Variants in PTPRK observed in about 807,000 individuals in gnomAD.
PTPRK encodes protein tyrosine phosphatase receptor type K.
A neutral mutation model predicts 178.0 loss-of-function variants in PTPRK; 75 were observed. The ratio of observed to expected loss-of-function variants is 0.42; its 90% confidence interval spans 0.35 to 0.51. PTPRK has a LOEUF of 0.51. PTPRK is among the 20% of genes least tolerant of loss of function. PTPRK has a pLI of 0.02. For synonymous variants in PTPRK, 637 were observed against 620.6 expected (o/e 1.03, Z -0.39); for missense variants, 1,441 against 1,797.8 (o/e 0.80, Z 3.59).
chr6:127,972,983 C>G (rs375775055), intron 29 of PTPRK, 39 bp downstream of exon 29: 10 of 1,597,754 alleles, frequency 6.3e-6, no homozygotes, highest in African/African-American at 1.3e-5. Context: ...ACTAACTAAT[C>G]TCTAAGATGC....
intron 29 of PTPRK, 106 bp from the exon 30 acceptor site, chr6:127,970,386 T>G: frequency 2.6e-6 from 2 of 762,402 alleles, no homozygotes; most frequent in South Asian, 4.3e-5. Context: ...TACTCAAGGA[T>G]TACAATTTAT....
At chr6:128,290,990 G>C (rs1823290004) in intron 3 of PTPRK, among the ~76,000 whole-genome samples, 1 of 151,952 alleles carries the variant, frequency 6.6e-6, no homozygotes, top group South Asian at 2.1e-4. Context: ...AGACAAAATG[G>C]CTTCTTGAAA....
At chr6:128,026,669 T>C (rs1252071296) in intron 13 of PTPRK, among the ~76,000 whole-genome samples, 1 of 152,204 alleles carries the variant, frequency 6.6e-6, no homozygotes, top group Non-Finnish European at 1.5e-5. Context: ...ATATTATATA[T>C]TTGACAAGAT....
intron 25 of PTPRK, among the ~76,000 whole-genome samples, chr6:127,977,420 G>A (rs934662778): frequency 2.0e-5 from 3 of 152,166 alleles, no homozygotes; most frequent in African/African-American, 4.8e-5. Context: ...TTTTCCAAAC[G>A]TAATCAGTCT....
At chr6:128,014,299 C>T (rs1440377809) in intron 13 of PTPRK, among the ~76,000 whole-genome samples, 1 of 151,604 alleles carries the variant, frequency 6.6e-6, no homozygotes, top group Non-Finnish European at 1.5e-5. Context: ...TCTGTCACCA[C>T]CTATCACCAA....
chr6:128,051,750 A>T, intron 13 of PTPRK, among the ~76,000 whole-genome samples: 1 of 152,066 alleles, frequency 6.6e-6, no homozygotes, highest in African/African-American at 2.4e-5. Flanking sequence ...TACCACTCCC[A>T]AGTTCTAAGT....
At chr6:128,330,052 T>C (rs529993399) in intron 2 of PTPRK, among the ~76,000 whole-genome samples, 2 of 152,316 alleles carry the variant, frequency 1.3e-5, no homozygotes, top group South Asian at 2.1e-4. Flanking sequence ...CAGCTAGCTC[T>C]TGGCATTGAG....
At chr6:127,996,297 C>A (rs1017623300) in intron 17 of PTPRK, among the ~76,000 whole-genome samples, 2 of 152,086 alleles carry the variant, frequency 1.3e-5, no homozygotes, top group Admixed American at 1.3e-4. Context: ...CTGAAAAGAT[C>A]TTACTTTTTC....
intron 27 of PTPRK, among the ~76,000 whole-genome samples, chr6:127,974,467 T>A (rs1262148194): frequency 6.6e-6 from 1 of 152,168 alleles, no homozygotes; most frequent in Non-Finnish European, 1.5e-5. Flanking sequence ...CTTGGTCTTC[T>A]CAATCCCAAA....
chr6:128,296,404 C>T (rs1469085227), intron 3 of PTPRK, among the ~76,000 whole-genome samples: 2 of 152,034 alleles, frequency 1.3e-5, no homozygotes, highest in Non-Finnish European at 2.9e-5. Context: ...AGAAGAGCAA[C>T]TCCAAGACAC....
In PTPRK at chr6:128,378,144, G is replaced by A. The variant is rs190426187; in HGVS notation, c.223+19422C>T. On this transcript the variant is annotated intron_variant, in intron 2 of 29. Coordinates refer to ENST00000368226, the MANE Select transcript of PTPRK (RefSeq NM_002844.4). ...CCATAAGTTACTTTCATCTCTATATGTAATTAAGAAATTATTACATTTATG... is the reference window on the plus strand; with the variant it reads ...CCATAAGTTACTTTCATCTCTATATATAATTAAGAAATTATTACATTTATG... 3.3e-5 allele frequency among the ~76,000 whole-genome samples: 5 copies of A among 152,160 alleles called. No homozygotes were observed. In the East Asian group the frequency reaches 7.7e-4, roughly 24 times the overall value.
At chr6:128,025,626 C>G (rs1202366645) in intron 13 of PTPRK, among the ~76,000 whole-genome samples, 2 of 152,190 alleles carry the variant, frequency 1.3e-5, no homozygotes, top group African/African-American at 4.8e-5. Flanking sequence ...GTTCTGGGAA[C>G]TAGAGGGCCC....
intron 1 of PTPRK, among the ~76,000 whole-genome samples, chr6:128,503,055 C>T (rs796296272): frequency 5.3e-5 from 8 of 152,164 alleles, no homozygotes; most frequent in South Asian, 2.1e-4. Flanking sequence ...GTGAAACCCC[C>T]GCCTCTACTA....
intron 1 of PTPRK, among the ~76,000 whole-genome samples, chr6:128,511,069 G>C (rs936888324): frequency 6.6e-6 from 1 of 151,864 alleles, no homozygotes; most frequent in Non-Finnish European, 1.5e-5. Context: ...ACTGAGACAA[G>C]GAAAATAAAA....
chr6:128,454,735 C>T (rs529457362), intron 1 of PTPRK, among the ~76,000 whole-genome samples: 1 of 130,598 alleles, frequency 7.7e-6, no homozygotes, highest in Non-Finnish European at 1.7e-5. Flanking sequence ...ATCCATACTT[C>T]CACCTGGTAT....
Position 128,118,984 on chromosome 6 carries a change from G to T in PTPRK, c.1163-28992C>A, listed in dbSNP as rs149278756. 1.6e-4 allele frequency among the ~76,000 whole-genome samples: 24 copies of T among 152,252 alleles called. No homozygotes were observed. In the East Asian group the frequency reaches 4.2e-3, roughly 27 times the overall value. On this transcript the variant is annotated intron_variant, in intron 7 of 29. Transcript: ENST00000368226. ...TTTCTCTCAGGTGAGCTTCCATTTA[G>T]TCTTGAAAAGAACAGTGAGAAACAT...
intron 3 of PTPRK, among the ~76,000 whole-genome samples, chr6:128,262,857 C>CAAAAAAAAAAAAAAAAAA (rs747334195): frequency 3.6e-4 from 27 of 75,098 alleles, no homozygotes; most frequent in African/African-American, 1.3e-3. Flanking sequence ...AACCAATAAC[C>CAAAAAAAAAAAAAAAAAA]AAAAAAAAAA....
At chr6:128,021,504 T>C (rs987477884) in intron 13 of PTPRK, among the ~76,000 whole-genome samples, 10 of 151,952 alleles carry the variant, frequency 6.6e-5, no homozygotes, top group East Asian at 1.9e-4. Context: ...GGCGTGGTGG[T>C]GGGCGCCTGT....
intron 8 of PTPRK, among the ~76,000 whole-genome samples, chr6:128,086,803 A>T (rs1785918900): frequency 6.6e-6 from 1 of 152,120 alleles, no homozygotes; most frequent in Non-Finnish European, 1.5e-5. Context: ...ATTAAATATT[A>T]TATATTAAAC....
Sources: allele counts gnomAD v4.1 joint callset (sites outside exome capture counted in the v4.1 genomes callset), GRCh38; gene constraint gnomAD v4.1.1; transcripts MANE v1.5; gene names NCBI Gene and HGNC (gene_info 2026-07-23, HGNC 2026-07-21).